The following KANK1 variants were observed in gnomAD, a reference collection of about 807,000 sequenced individuals.
The protein encoded by KANK1 is KN motif and ankyrin repeat domains 1.
Under a neutral mutation model 106.2 loss-of-function variants are expected in KANK1, and 109 were observed. The observed-to-expected ratio is 1.03, with a 90% CI of 0.88 to 1.20. KANK1 has a LOEUF of 1.20. KANK1 is among the 50% of genes most tolerant of loss of function. The pLI, the probability that KANK1 is intolerant of heterozygous loss-of-function variation, is 0.00. For missense variants in KANK1, 2,399 were observed against 1,710.7 expected (o/e 1.40, Z -7.10); for synonymous variants, 873 against 652.2 (o/e 1.34, Z -5.16).
At chr9:637,922 A>G (rs891663337) in intron 1 of KANK1, among the ~76,000 whole-genome samples, 5 of 152,190 alleles carry the variant, frequency 3.3e-5, no homozygotes, top group Non-Finnish European at 5.9e-5. Flanking sequence ...CAATGAAACC[A>G]TCAGAGACTC....
chr9:502,528 C>CTT (rs61692364), upstream of KANK1, among the ~76,000 whole-genome samples: 6,154 of 132,170 alleles, frequency 0.047, 451 homozygotes, highest in African/African-American at 0.19. Flanking sequence ...ATGGAGAGCA[C>CTT]TTTTTTTTTT....
intron 1 of KANK1, among the ~76,000 whole-genome samples, chr9:534,314 T>C (rs144960777): frequency 1.4e-3 from 212 of 152,348 alleles, no homozygotes; most frequent in African/African-American, 5.1e-3. Context: ...TTTGAAAGTA[T>C]TATTGTGCTC....
chr9:680,978 C>G (rs1246139481), intron 2 of KANK1: 2 of 152,372 alleles, frequency 1.3e-5, no homozygotes, highest in Non-Finnish European at 2.9e-5. Flanking sequence ...CTTTGGAAGG[C>G]CGAGGAGGGA....
intron 3 of KANK1, among the ~76,000 whole-genome samples, chr9:721,907 A>G (rs1829440246): frequency 6.6e-6 from 1 of 152,220 alleles, no homozygotes; most frequent in Non-Finnish European, 1.5e-5. Context: ...TTCCCCAACA[A>G]TGTTCCATAA....
At chr9:588,076 AAAAG>A (rs921032115) in intron 1 of KANK1, among the ~76,000 whole-genome samples, 5 of 82,214 alleles carry the variant, frequency 6.1e-5, no homozygotes, top group Non-Finnish European at 9.6e-5. Flanking sequence ...AAGAAAAAAA[AAAAG>A]AAAGAAAGAA....
At chr9:629,379 C>G (rs1020457262) in intron 1 of KANK1, among the ~76,000 whole-genome samples, 1 of 152,130 alleles carries the variant, frequency 6.6e-6, no homozygotes, top group Non-Finnish European at 1.5e-5. Flanking sequence ...AGCTGCCTAA[C>G]TTGGTTTCTT....
chr9:656,627 C>G (rs10975604), intron 1 of KANK1, among the ~76,000 whole-genome samples: 1 of 152,006 alleles, frequency 6.6e-6, no homozygotes, highest in South Asian at 2.1e-4. Context: ...CCTACTCCCT[C>G]CCGGTGCCTG....
intron 1 of KANK1, among the ~76,000 whole-genome samples, chr9:528,175 T>C (rs1427638191): frequency 6.6e-6 from 1 of 152,042 alleles, no homozygotes; most frequent in Admixed American, 6.6e-5. Context: ...ATTTTTCTTT[T>C]TGTCCAAGTA....
intron 3 of KANK1, among the ~76,000 whole-genome samples, chr9:487,542 AT>A (rs1248873965): frequency 6.6e-6 from 1 of 152,142 alleles, no homozygotes; most frequent in Non-Finnish European, 1.5e-5. Context: ...TACCTCAGAT[AT>A]ATTTGTTTAG....
At chr9:725,321 A>G (rs12686645) in intron 3 of KANK1, among the ~76,000 whole-genome samples, 34,543 of 151,640 alleles carry the variant, frequency 0.23, 4,483 homozygotes, top group African/African-American at 0.33. Context: ...GGTAAAACTC[A>G]GTCTCTACTA....
chr9:716,553 G>A (rs950811688), intron 3 of KANK1, among the ~76,000 whole-genome samples: 3 of 152,140 alleles, frequency 2.0e-5, no homozygotes, highest in African/African-American at 7.2e-5. Context: ...ATTGATAAAT[G>A]TTCAGTCCAG....
At chr9:530,535 C>T (rs998365021) in intron 1 of KANK1, among the ~76,000 whole-genome samples, 1 of 152,114 alleles carries the variant, frequency 6.6e-6, no homozygotes. Context: ...TTCTTGACTT[C>T]TGTTGTGTTG....
At chr9:679,684 G>A (rs925784571) in intron 2 of KANK1, among the ~76,000 whole-genome samples, 7 of 152,166 alleles carry the variant, frequency 4.6e-5, no homozygotes, top group African/African-American at 1.7e-4. Flanking sequence ...TGGGATTACA[G>A]GCATGAGCCA....
intron 1 of KANK1, among the ~76,000 whole-genome samples, chr9:573,849 A>T (rs1819849185): frequency 6.6e-6 from 1 of 152,030 alleles, no homozygotes; most frequent in Admixed American, 6.5e-5. Flanking sequence ...AGATTCATAC[A>T]CACTTCTGAA....
rs773956753 is a variant in KANK1 at position 676,963 on chromosome 9, T to G, written c.-10T>G. 2.5e-6 allele frequency: 4 copies of G among 1,613,306 alleles called. No homozygotes were observed. The highest frequency in any genetic ancestry group is 1.7e-5 in the Admixed American group (1 of 59,962). ...CTCCTTTCTGGATCTCTCATTGGAC[T>G]CAAGCCAGCATGGCTCACACCACAA... On this transcript the variant is annotated 5_prime_UTR_variant, in exon 2 of 12. Coordinates refer to ENST00000382297, the MANE Select transcript of KANK1 (RefSeq NM_015158.5).
intron 1 of KANK1, among the ~76,000 whole-genome samples, chr9:557,682 G>C (rs937240461): frequency 2.6e-5 from 4 of 152,188 alleles, no homozygotes; most frequent in Non-Finnish European, 5.9e-5. Flanking sequence ...AACAGGAGAA[G>C]GCAGCCCAAG....
chr9:476,885 G>C (rs2132092347), intron 3 of KANK1: 1 of 152,316 alleles, frequency 6.6e-6, no homozygotes, highest in East Asian at 1.9e-4. Flanking sequence ...GCCAAAGTGA[G>C]AAAAAGCAAA....
At chr9:526,009 A>G (rs4742067) in intron 1 of KANK1, among the ~76,000 whole-genome samples, 65,212 of 151,530 alleles carry the variant, frequency 0.43, 16,899 homozygotes, top group African/African-American at 0.71. Context: ...TATTCAGGTT[A>G]CTTTTAATTG....
chr9:607,660 T>G (rs1380618303), intron 1 of KANK1, among the ~76,000 whole-genome samples: 1 of 151,712 alleles, frequency 6.6e-6, no homozygotes. Flanking sequence ...GCTAGCCTTG[T>G]TCTCTTCACC....
Sources: gnomAD v4.1 joint callset for allele counts (sites outside exome capture counted in the v4.1 genomes callset) on GRCh38, gnomAD v4.1.1 for gene constraint, MANE v1.5 for transcripts, NCBI Gene and HGNC (gene_info 2026-07-23, HGNC 2026-07-21) for gene names.